Variants in SLC27A6 observed in about 807,000 individuals in gnomAD.
The protein encoded by SLC27A6 is long-chain fatty acid transport protein 6.
Under a neutral mutation model 63.9 loss-of-function variants are expected in SLC27A6, and 74 were observed. That is an observed-to-expected ratio of 1.16 (90% CI 0.96 to 1.40). The LOEUF (loss-of-function observed/expected upper bound fraction) is 1.40, where lower values mean the gene tolerates loss of function less well. Among genes scored for constraint, SLC27A6 ranks in the 40% most tolerant of loss-of-function variants. The pLI, the probability that SLC27A6 is intolerant of heterozygous loss-of-function variation, is 0.00. For synonymous variants in SLC27A6, 287 were observed against 260.8 expected (o/e 1.10, Z -0.97); for missense variants, 794 against 732.9 (o/e 1.08, Z -0.96).
intron 5 of SLC27A6, among the ~76,000 whole-genome samples, chr5:129,018,559 G>A (rs1054153319): frequency 9.9e-5 from 15 of 152,076 alleles, no homozygotes; most frequent in African/African-American, 3.6e-4. Flanking sequence ...TTTGGGGAAA[G>A]TAAGTGCTGA....
intron 4 of SLC27A6, among the ~76,000 whole-genome samples, chr5:129,005,692 A>G (rs916945919): frequency 5.0e-5 from 7 of 139,626 alleles, no homozygotes; most frequent in African/African-American, 1.9e-4. Flanking sequence ...GGCTCACTGC[A>G]AGCTCCGCCT....
Position 129,007,457 on chromosome 5 carries a change from A to T in SLC27A6, c.970-8428A>T, listed in dbSNP as rs1274002431. On this transcript the variant is annotated intron_variant, in intron 4 of 9. Coordinates refer to ENST00000262462, the MANE Select transcript of SLC27A6 (RefSeq NM_001017372.3). Reference sequence around the variant, plus strand: ...GACTCAGTCTTAAAAAAAAAAAAAAAAAAAAAAATATAATGTTAAAAATAA... The same window carrying T: ...GACTCAGTCTTAAAAAAAAAAAAAATAAAAAAAATATAATGTTAAAAATAA... Among the ~76,000 whole-genome samples the T allele has an allele frequency of 1.7e-3, 252 of 148,462 alleles. 2 individuals carry two copies. Among genetic ancestry groups the T allele is most frequent in the African/African-American group, 5.8e-3 (234 of 40,570 alleles).
intron 2 of SLC27A6, among the ~76,000 whole-genome samples, chr5:128,985,576 A>T (rs543624983): frequency 1.3e-5 from 2 of 152,196 alleles, no homozygotes; most frequent in Admixed American, 6.5e-5. Flanking sequence ...ATTTTCTTAA[A>T]GTTTGGTAGT....
intron 9 of SLC27A6, among the ~76,000 whole-genome samples, chr5:129,030,603 T>C (rs986262591): frequency 5.9e-5 from 9 of 151,932 alleles, no homozygotes; most frequent in African/African-American, 2.2e-4. Context: ...ACAACAACCC[T>C]CTGAAACACT....
intron 1 of SLC27A6, among the ~76,000 whole-genome samples, chr5:128,983,716 C>T (rs190756109): frequency 3.9e-5 from 6 of 152,300 alleles, no homozygotes; most frequent in Non-Finnish European, 1.5e-5. Context: ...CTACCATCCA[C>T]CAACTTGTGA....
intron 1 of SLC27A6, among the ~76,000 whole-genome samples, chr5:128,983,772 A>G (rs894443439): frequency 1.3e-5 from 2 of 152,178 alleles, no homozygotes; most frequent in Admixed American, 1.3e-4. Flanking sequence ...AAGTACCACA[A>G]ACTTGGTGGC....
At chr5:128,966,741 G>A in intron 1 of SLC27A6, 123 bp downstream of exon 1, 2 of 975,550 alleles carry the variant, frequency 2.1e-6, no homozygotes, top group Non-Finnish European at 2.7e-6. Context: ...CATGTTAAGA[G>A]TACAAAATAG....
chr5:128,978,926 T>C (rs549300154), intron 1 of SLC27A6, among the ~76,000 whole-genome samples: 6 of 152,224 alleles, frequency 3.9e-5, no homozygotes, highest in African/African-American at 1.4e-4. Flanking sequence ...GCCTGCAGTG[T>C]TTTCAGTACA....
Position 129,029,591 on chromosome 5 carries a change from G to C in SLC27A6, c.1567G>C (p.Ala523Pro), listed in dbSNP as rs1192074100. Reference sequence around the variant, plus strand: ...CTTTTTTTCAGGTTATGAAGGAAGAGCAGGAATGGCTTCTATTATTTTAAA... The same window carrying C: ...CTTTTTTTCAGGTTATGAAGGAAGACCAGGAATGGCTTCTATTATTTTAAA... Reference protein sequence around the residue: ...GVAISGYEGRAGMASIILKPN... With the variant: ...GVAISGYEGRPGMASIILKPN... Residue 523 changes from alanine to proline, a missense_variant, in exon 9 of 10, where the codon GCA (alanine) becomes CCA (proline). Transcript: ENST00000262462. 11 of 1,575,238 alleles carry C rather than the reference G, an allele frequency of 7.0e-6. No individual in the cohort carries two copies. Among genetic ancestry groups the C allele is most frequent in the Non-Finnish European group, 9.4e-6 (11 of 1,164,210 alleles).
chr5:128,971,319 C>A (rs1302877974), intron 1 of SLC27A6, among the ~76,000 whole-genome samples: 1 of 152,012 alleles, frequency 6.6e-6, no homozygotes, highest in Non-Finnish European at 1.5e-5. Flanking sequence ...TCCTTGTTAA[C>A]TTTTGGTCTC....
chr5:129,023,468 T>C (rs994991356), intron 5 of SLC27A6, 152 bp from the exon 6 acceptor site: 2 of 502,984 alleles, frequency 4.0e-6, no homozygotes, highest in African/African-American at 3.9e-5. Flanking sequence ...ATTTAATTTG[T>C]CTTCAGTAAA....
At chr5:128,970,028 G>A (rs900281960) in intron 1 of SLC27A6, among the ~76,000 whole-genome samples, 1 of 151,892 alleles carries the variant, frequency 6.6e-6, no homozygotes, top group African/African-American at 2.4e-5. Context: ...TAATCATGTG[G>A]TTTTTGTCTT....
At chr5:128,995,667 A>G (rs1317798207) in intron 4 of SLC27A6, among the ~76,000 whole-genome samples, 4 of 152,166 alleles carry the variant, frequency 2.6e-5, no homozygotes, top group African/African-American at 9.7e-5. Flanking sequence ...TCATGACAGA[A>G]GAAACTCAAA....
intron 4 of SLC27A6, among the ~76,000 whole-genome samples, chr5:129,006,147 T>C (rs1580731357): frequency 7.0e-6 from 1 of 142,738 alleles, no homozygotes; most frequent in Non-Finnish European, 1.5e-5. Context: ...TGTGTGATCT[T>C]GGCTCACTGC....
intron 5 of SLC27A6, among the ~76,000 whole-genome samples, chr5:129,020,379 G>A (rs1255136911): frequency 6.6e-6 from 1 of 152,108 alleles, no homozygotes; most frequent in Non-Finnish European, 1.5e-5. Flanking sequence ...TAAAATGCCT[G>A]ATGGTGAACA....
At chr5:128,976,883 T>C (rs1219429799) in intron 1 of SLC27A6, among the ~76,000 whole-genome samples, 1 of 152,258 alleles carries the variant, frequency 6.6e-6, no homozygotes, top group Non-Finnish European at 1.5e-5. Flanking sequence ...TCTCTATTTA[T>C]AAGTATAATG....
intron 6 of SLC27A6, among the ~76,000 whole-genome samples, chr5:129,024,769 A>T (rs1752181806): frequency 6.6e-6 from 1 of 152,184 alleles, no homozygotes; most frequent in South Asian, 2.1e-4. Context: ...GTATTGCCTT[A>T]AAATATGTTG....
chr5:128,983,147 G>A (rs556252616), intron 1 of SLC27A6, among the ~76,000 whole-genome samples: 1 of 152,202 alleles, frequency 6.6e-6, no homozygotes, highest in Admixed American at 6.5e-5. Flanking sequence ...AATGTTTAAT[G>A]CAGAACTCTG....
chr5:128,970,552 G>A (rs1750107590), intron 1 of SLC27A6, among the ~76,000 whole-genome samples: 1 of 152,090 alleles, frequency 6.6e-6, no homozygotes, highest in Non-Finnish European at 1.5e-5. Flanking sequence ...GCGTAGAGGT[G>A]TTTATAGTAT....
Sources: allele counts gnomAD v4.1 joint callset (sites outside exome capture counted in the v4.1 genomes callset), GRCh38; gene constraint gnomAD v4.1.1; transcripts MANE v1.5; gene names NCBI Gene and HGNC (gene_info 2026-07-23, HGNC 2026-07-21).